The following ENPP2 variants were observed in gnomAD, a reference collection of about 807,000 sequenced individuals.
ENPP2 encodes ectonucleotide pyrophosphatase/phosphodiesterase 2.
A neutral mutation model predicts 120.2 loss-of-function variants in ENPP2; 51 were observed. The ratio of observed to expected loss-of-function variants is 0.42; its 90% CI spans 0.34 to 0.54. The LOEUF (loss-of-function observed/expected upper bound fraction) is 0.54, where lower values mean the gene tolerates loss of function less well. Ranked by LOEUF, ENPP2 falls within the 20% of genes least tolerant of loss-of-function variation. The probability of loss-of-function intolerance (pLI) is 0.04; values close to 1 mark genes in which losing one functional copy is unlikely to be tolerated. For missense variants in ENPP2, 920 were observed against 1,066.5 expected, an observed-to-expected ratio of 0.86 and a Z score of 1.91; for synonymous variants, 365 against 366.4, an observed-to-expected ratio of 1.00 and a Z score of 0.04.
Position 119,586,300 on chromosome 8 carries a change from T to G in ENPP2, c.1253A>C (p.Asp418Ala). Residue 418 changes from aspartate (D) to alanine (A), a missense_variant, in exon 15 of 25, where the codon GAT becomes GCT. By Grantham distance (126) the Asp-to-Ala change is moderately radical. Coordinates refer to ENST00000075322, the MANE Select transcript of ENPP2 (RefSeq NM_001040092.3). ...IIANLTCKKP[D>A]QHFKPYLKQH... ...TTTCAAGTAAGGCTTAAAGTGCTGA[T>G]CTGGTTTTTTACACTGAAATAGAAA... 6.2e-7 allele frequency: 1 copy of G among 1,614,004 alleles called. No individual in the cohort carries two copies.
At chr8:119,601,539 G>C in intron 9 of ENPP2, 77 bp from the exon 10 acceptor site, 1 of 1,031,310 alleles carries the variant, frequency 9.7e-7, no homozygotes, top group South Asian at 1.3e-5. Context: ...GCTCGCTCTT[G>C]CACCCAGGCC....
chr8:119,590,567 T>A lies in ENPP2; in HGVS notation c.1145A>T (p.Asp382Val). 1 of 1,592,710 alleles carries A rather than the reference T, an allele frequency of 6.3e-7. No homozygotes were observed. Residue 382 changes from aspartate (D) to valine (V), a missense_variant, in exon 13 of 25, where the codon GAT becomes GTT. By Grantham distance (152) the Asp-to-Val change is radical. Coordinates refer to ENST00000075322, the MANE Select transcript of ENPP2 (RefSeq NM_001040092.3). ...FLSNYLTNVD[D>V]ITLVPGTLGR... ...TAGAGTTCCAGGCACTAAAGTAATATCATCCACATTAGTTAGGTAATTACT... is the reference window on the plus strand; with the variant it reads ...TAGAGTTCCAGGCACTAAAGTAATAACATCCACATTAGTTAGGTAATTACT...
At chr8:119,587,227 G>T (rs925689763) in intron 13 of ENPP2, 152 bp from the exon 14 acceptor site, 8 of 684,808 alleles carry the variant, frequency 1.2e-5, no homozygotes, top group African/African-American at 1.1e-4. Flanking sequence ...ATTGTGTAGG[G>T]GTATTTAACA....
At chr8:119,617,369 A>C (rs1815530358) in intron 6 of ENPP2, 97 bp downstream of exon 6, 4 of 1,134,312 alleles carry the variant, frequency 3.5e-6, no homozygotes, top group Non-Finnish European at 5.2e-6. Flanking sequence ...AAACACATTT[A>C]AAACTACGTG....
At chr8:119,603,579 T>G (rs188925213) in intron 9 of ENPP2, among the ~76,000 whole-genome samples, 1 of 152,230 alleles carries the variant, frequency 6.6e-6, no homozygotes, top group East Asian at 1.9e-4. Context: ...GACAATATAA[T>G]AGTACCTATC....
chr8:119,579,648 G>A (rs566135609), intron 19 of ENPP2, among the ~76,000 whole-genome samples: 20 of 152,030 alleles, frequency 1.3e-4, no homozygotes, highest in East Asian at 3.9e-4. Context: ...TAAGAGTTAG[G>A]GCTTGAGATG....
intron 1 of ENPP2, among the ~76,000 whole-genome samples, chr8:119,668,485 A>G (rs1478302084): frequency 7.6e-6 from 1 of 130,722 alleles, no homozygotes; most frequent in South Asian, 2.3e-4. Context: ...GCTGGAGTGC[A>G]GTGGTGCAAT....
At chr8:119,601,338 C>T (rs574811051) in intron 10 of ENPP2, 59 bp downstream of exon 10, 17 of 1,185,018 alleles carry the variant, frequency 1.4e-5, no homozygotes, top group African/African-American at 1.4e-4. Context: ...TAGTGTTTCA[C>T]GCAATTCTAA....
At chr8:119,673,308 G>T in exon 1 of ENPP2, 1 of 1,534,614 alleles carries the variant, frequency 6.5e-7, no homozygotes, top group Non-Finnish European at 8.7e-7. Flanking sequence ...CTGCCCGGGC[G>T]CTGCGGACGC....
chr8:119,583,909 C>T (rs1256648921), intron 16 of ENPP2, 53 bp downstream of exon 16: 2 of 1,457,082 alleles, frequency 1.4e-6, no homozygotes, highest in African/African-American at 2.8e-5. Flanking sequence ...CATTACTTAT[C>T]CTTTCGAAGA....
intron 1 of ENPP2, among the ~76,000 whole-genome samples, chr8:119,661,239 C>T (rs905370322): frequency 5.3e-5 from 8 of 152,042 alleles, no homozygotes; most frequent in South Asian, 4.1e-4. Context: ...ACCTAGATAA[C>T]GGGTTGATAG....
At chr8:119,668,633 T>G (rs1818150202) in intron 1 of ENPP2, among the ~76,000 whole-genome samples, 1 of 152,074 alleles carries the variant, frequency 6.6e-6, no homozygotes, top group Non-Finnish European at 1.5e-5. Context: ...TTCACCATGT[T>G]GGCCAGGATG....
At chr8:119,596,981 A>ACTTCTCT (rs1346667300) in intron 11 of ENPP2, among the ~76,000 whole-genome samples, 1 of 150,932 alleles carries the variant, frequency 6.6e-6, no homozygotes, top group African/African-American at 2.4e-5. Flanking sequence ...TACCTCACTG[A>ACTTCTCT]CTTCTCTCGG....
intron 2 of ENPP2, among the ~76,000 whole-genome samples, chr8:119,627,560 AT>A (rs1436421296): frequency 6.7e-6 from 1 of 150,178 alleles, no homozygotes; most frequent in Non-Finnish European, 1.5e-5. Context: ...CAAAAAAAAA[AT>A]TTTTAAGATC....
At chr8:119,572,506 C>T in intron 19 of ENPP2, 1 of 461,024 alleles carries the variant, frequency 2.2e-6, no homozygotes, top group Non-Finnish European at 3.9e-6. Flanking sequence ...CATTTCTAAG[C>T]ATTCAACGTA....
At chr8:119,579,035 G>A (rs1812542612) in intron 19 of ENPP2, among the ~76,000 whole-genome samples, 1 of 152,194 alleles carries the variant, frequency 6.6e-6, no homozygotes, top group African/African-American at 2.4e-5. Flanking sequence ...TGCATGACTT[G>A]TGGCTGCTAT....
In ENPP2 at chr8:119,601,965, A is replaced by G. The variant is rs572771209; in HGVS notation, c.834-503T>C. Among the ~76,000 whole-genome samples, 3 of 152,348 alleles carry G rather than the reference A, an allele frequency of 2.0e-5. No homozygotes were observed. The East Asian group carries it at 5.8e-4, about 29-fold the overall frequency. ...GGATGAAATGAGACAAGACAAGGAA[A>G]GGGCATGTCCAGTGCGTAAGACACA... On this transcript the variant is annotated intron_variant, in intron 9 of 24. Coordinates refer to ENST00000075322, the MANE Select transcript of ENPP2 (RefSeq NM_001040092.3).
At chr8:119,652,474 G>A (rs994483697) in intron 1 of ENPP2, among the ~76,000 whole-genome samples, 8 of 152,198 alleles carry the variant, frequency 5.3e-5, no homozygotes, top group Non-Finnish European at 8.8e-5. Context: ...TGCAGAAATC[G>A]TTATAGAAAC....
At chr8:119,593,388 T>G (rs1356539930) in intron 12 of ENPP2, among the ~76,000 whole-genome samples, 1 of 152,200 alleles carries the variant, frequency 6.6e-6, no homozygotes, top group Non-Finnish European at 1.5e-5. Context: ...GGGCTCGTTT[T>G]GGGGATGTGG....
Sources: allele counts gnomAD v4.1 joint callset (sites outside exome capture counted in the v4.1 genomes callset), GRCh38; gene constraint gnomAD v4.1.1; transcripts MANE v1.5; gene names NCBI Gene and HGNC (gene_info 2026-07-23, HGNC 2026-07-21).